Variants in BEND5 observed in about 807,000 individuals in gnomAD.
BEND5 encodes the protein BEN domain containing 5.
BEND5 carries 22 observed loss-of-function variants against 43.9 expected under a neutral mutation model. The observed-to-expected ratio is 0.50, with a 90% confidence interval of 0.36 to 0.72. BEND5 has a LOEUF of 0.72. BEND5 is among the 30% of genes least tolerant of loss of function. BEND5 has a pLI of 0.00. For missense variants in BEND5, 428 were observed against 550.6 expected, an observed-to-expected ratio of 0.78 and a Z score of 2.23; for synonymous variants, 228 against 225.9, an observed-to-expected ratio of 1.01 and a Z score of -0.08.
intron 3 of BEND5, among the ~76,000 whole-genome samples, chr1:48,750,186 G>T (rs2148625719): frequency 6.6e-6 from 1 of 152,278 alleles, no homozygotes; most frequent in Non-Finnish European, 1.5e-5. Context: ...TGACTCAGAG[G>T]AAAATAGCAA....
At chr1:48,761,827 T>G (rs1644269019) in intron 1 of BEND5, among the ~76,000 whole-genome samples, 1 of 152,190 alleles carries the variant, frequency 6.6e-6, no homozygotes, top group African/African-American at 2.4e-5. Flanking sequence ...AAATGGCACA[T>G]GAATCCCTCA....
At chr1:48,767,014 C>A (rs1644564363) in intron 1 of BEND5, among the ~76,000 whole-genome samples, 1 of 152,160 alleles carries the variant, frequency 6.6e-6, no homozygotes, top group South Asian at 2.1e-4. Flanking sequence ...CCATCCTAAC[C>A]CTAATCCTGA....
At chr1:48,730,080 G>C (rs889477345) in intron 5 of BEND5, among the ~76,000 whole-genome samples, 3 of 152,136 alleles carry the variant, frequency 2.0e-5, no homozygotes, top group Non-Finnish European at 4.4e-5. Flanking sequence ...ATCAGACTGA[G>C]TTAGGAGACC....
At chr1:48,740,984 T>A (rs1649828107) in intron 4 of BEND5, among the ~76,000 whole-genome samples, 1 of 152,188 alleles carries the variant, frequency 6.6e-6, no homozygotes, top group South Asian at 2.1e-4. Flanking sequence ...TTTTCAAGAT[T>A]TGCTGTTCAA....
intron 1 of BEND5, among the ~76,000 whole-genome samples, chr1:48,776,008 G>A (rs1407246240): frequency 1.3e-5 from 2 of 152,208 alleles, no homozygotes; most frequent in African/African-American, 4.8e-5. Context: ...GTGGTGTGGA[G>A]CCCAGTGCAC....
intron 1 of BEND5, among the ~76,000 whole-genome samples, chr1:48,771,027 C>T (rs1644799524): frequency 6.6e-6 from 1 of 152,170 alleles, no homozygotes; most frequent in African/African-American, 2.4e-5. Flanking sequence ...CTCTATCTCA[C>T]AAGGATGTAG....
chr1:48,732,039 A>T (rs557275100), intron 5 of BEND5, among the ~76,000 whole-genome samples: 2 of 152,190 alleles, frequency 1.3e-5, no homozygotes. Flanking sequence ...TGGAAAAAGT[A>T]GAGAAACTTT....
At chr1:48,743,098 A>C (rs1275618234) in intron 3 of BEND5, among the ~76,000 whole-genome samples, 1 of 152,168 alleles carries the variant, frequency 6.6e-6, no homozygotes, top group East Asian at 1.9e-4. Flanking sequence ...GGGTTGGAGG[A>C]GAAGGGGTGG....
At chr1:48,741,577 G>T (rs1385158238) in intron 4 of BEND5, among the ~76,000 whole-genome samples, 1 of 152,362 alleles carries the variant, frequency 6.6e-6, no homozygotes, top group South Asian at 2.1e-4. Context: ...CCACATCCAA[G>T]AGAGTCCTGA....
At chr1:48,766,300 G>A (rs1644526073) in intron 1 of BEND5, among the ~76,000 whole-genome samples, 1 of 152,188 alleles carries the variant, frequency 6.6e-6, no homozygotes, top group Non-Finnish European at 1.5e-5. Flanking sequence ...GCAGAGCCAA[G>A]ATGTGCTATA....
At position 48,776,775 on chromosome 1, in the gene BEND5, C is replaced by T. The variant is rs1267856882; in HGVS notation, c.57G>A (p.Ser19=). The T allele has an allele frequency of 3.3e-6, 5 of 1,524,338 alleles. No individual in the cohort carries two copies. The highest frequency in any genetic ancestry group is 4.2e-5 in the Admixed American group (2 of 47,970). 94.4% of individuals were successfully genotyped at this position (1,524,338 alleles called of 1,614,324 possible). A position where few individuals can be genotyped will look rare whatever the true frequency, so the allele number is the denominator to read the frequency against. ...EDNVCYALPV[S]CVRDFSPRSR... Reference sequence around the variant, plus strand: ...AGCGGGGGCTGAAGTCGCGCACGCACGACACGGGCAGCGCGTAGCAGACGT... The same window carrying T: ...AGCGGGGGCTGAAGTCGCGCACGCATGACACGGGCAGCGCGTAGCAGACGT... The change falls in exon 1 of 6, where the codon TCG becomes TCA. Residue 19 remains serine (S), a synonymous_variant. Transcript: ENST00000371833.
At chr1:48,741,158 T>C (rs1451517957) in intron 4 of BEND5, among the ~76,000 whole-genome samples, 1 of 152,216 alleles carries the variant, frequency 6.6e-6, no homozygotes, top group Non-Finnish European at 1.5e-5. Flanking sequence ...AAAAACTCTC[T>C]AGTCACTCCA....
At chr1:48,771,281 T>G (rs1170868030) in intron 1 of BEND5, among the ~76,000 whole-genome samples, 1 of 152,194 alleles carries the variant, frequency 6.6e-6, no homozygotes, top group Non-Finnish European at 1.5e-5. Context: ...GTAGGCACAC[T>G]AGAAAGAGAA....
intron 4 of BEND5, among the ~76,000 whole-genome samples, chr1:48,741,589 A>G (rs1369015179): frequency 6.6e-6 from 1 of 152,224 alleles, no homozygotes; most frequent in African/African-American, 2.4e-5. Flanking sequence ...GAGTCCTGAA[A>G]ACTAATACGT....
chr1:48,755,725 C>T (rs971547), intron 3 of BEND5, among the ~76,000 whole-genome samples: 148,539 of 152,248 alleles, frequency 0.98, 72,550 homozygotes, highest in East Asian at 1. Context: ...TCCCTTCAGA[C>T]GCTAATCTCT....
rs542743583 is a variant in BEND5 at position 48,727,620 on chromosome 1, G to A, written c.*266C>T. The A allele has an allele frequency of 1.5e-5, 4 of 262,696 alleles. No individual in the cohort carries two copies. Among genetic ancestry groups the A allele is most frequent in the Non-Finnish European group, 2.9e-5 (4 of 139,568 alleles). The allele number at this position is 262,696 out of a possible 1,614,324, so 16.3% of individuals were successfully genotyped here. On this transcript the variant is annotated 3_prime_UTR_variant, in exon 6 of 6. Transcript: ENST00000371833. ...CATTCAAACCCCAGTCAAGTGACAG[G>A]CAACTCAGGCAACCTTATCCCCCTC... is the stretch of plus-strand genomic sequence containing the variant.
intron 1 of BEND5, among the ~76,000 whole-genome samples, chr1:48,763,484 G>A (rs1369898615): frequency 6.6e-6 from 1 of 152,020 alleles, no homozygotes; most frequent in African/African-American, 2.4e-5. Context: ...GTGTGTGTAT[G>A]TGTGTGTGTG....
intron 2 of BEND5, among the ~76,000 whole-genome samples, chr1:48,760,528 G>A (rs189975322): frequency 8.1e-4 from 123 of 151,992 alleles, no homozygotes; most frequent in African/African-American, 2.8e-3. Flanking sequence ...TAAAGTGATC[G>A]TTACAATATG....
Position 48,736,189 on chromosome 1 carries a change from C to CA in BEND5, c.1108+49dup, listed in dbSNP as rs1408891721. The CA allele has an allele frequency of 3.2e-6, 5 of 1,553,890 alleles. No individual in the cohort carries two copies. The African/African-American group carries it at 6.8e-5, about 21-fold the overall frequency. On this transcript the variant is annotated intron_variant, in intron 5 of 5. Coordinates refer to ENST00000371833, the MANE Select transcript of BEND5 (RefSeq NM_024603.4). This position sits in a 1 kb window ranked among gnomAD's most constrained non-coding sequence, Gnocchi z 4.0. ...TGAATTGTGCCTAACACATTCTTGA[C>CA]AGAGTAAAAGACAGAATCCCAGCCA...
Sources: allele counts gnomAD v4.1 joint callset (sites outside exome capture counted in the v4.1 genomes callset), GRCh38; gene constraint gnomAD v4.1.1; non-coding constraint Gnocchi (gnomAD v3.1); transcripts MANE v1.5; gene names NCBI Gene and HGNC (gene_info 2026-07-23, HGNC 2026-07-21).